GSE1: variants seen among roughly 807,000 people sequenced by gnomAD.
GSE1 encodes the protein genetic suppressor element 1.
Under a neutral mutation model 112.6 loss-of-function variants are expected in GSE1, and 32 were observed. The ratio of observed to expected loss-of-function variants is 0.28; its 90% confidence interval spans 0.21 to 0.38. GSE1 has a LOEUF of 0.38. GSE1 is among the 10% of genes least tolerant of loss of function. The probability of loss-of-function intolerance (pLI) is 1.00; values close to 1 mark genes in which losing one functional copy is unlikely to be tolerated. For synonymous variants in GSE1, 1,115 were observed against 735.6 expected (o/e 1.52, Z -8.35); for missense variants, 2,348 against 1,699.2 (o/e 1.38, Z -6.71).
At chr16:85,328,158 C>T (rs1355746547) in intron 1 of GSE1, among the ~76,000 whole-genome samples, 1 of 152,250 alleles carries the variant, frequency 6.6e-6, no homozygotes, top group East Asian at 1.9e-4. Flanking sequence ...CTCGTTCTCA[C>T]CAGGCCAGGG....
chr16:85,241,425 G>A (rs1472909265), intron 1 of GSE1, among the ~76,000 whole-genome samples: 1 of 152,214 alleles, frequency 6.6e-6, no homozygotes, highest in African/African-American at 2.4e-5. Flanking sequence ...ATGGCTTCAT[G>A]CTGGTAGCTT....
Position 85,663,488 on chromosome 16 carries a change from T to C in GSE1, c.2518T>C (p.Ser840Pro). 1 of 1,613,622 alleles carries C rather than the reference T, an allele frequency of 6.2e-7. No homozygotes were observed. The highest frequency in any genetic ancestry group is 8.5e-7 in the Non-Finnish European group (1 of 1,179,940). ...PTIQSKRQTP[S>P]PRLALSTRYS... is the part of the protein sequence containing the mutation. ...AATTCAGAGCAAGCGGCAGACGCCT[T>C]CACCGAGACTGGCGCTGTCTACCCG... is the stretch of plus-strand genomic sequence containing the variant. The change falls in exon 11 of 16, where the codon TCA (serine) becomes CCA (proline). Residue 840 changes from serine to proline, a missense_variant. Coordinates refer to ENST00000253458, the MANE Select transcript of GSE1 (RefSeq NM_014615.5).
At chr16:85,442,180 A>G (rs1227809708) in intron 2 of GSE1, among the ~76,000 whole-genome samples, 1 of 152,214 alleles carries the variant, frequency 6.6e-6, no homozygotes, top group East Asian at 1.9e-4. Context: ...GCCTCAGCTC[A>G]GGTATCACCT....
At chr16:85,450,614 ACTT>A (rs1198620580) in intron 2 of GSE1, among the ~76,000 whole-genome samples, 11 of 149,300 alleles carry the variant, frequency 7.4e-5, no homozygotes, top group Admixed American at 2.0e-4. Context: ...ATGCCCAGCT[ACTT>A]TTTTTGTATT....
chr16:85,422,127 G>T (rs2151741278), intron 2 of GSE1, among the ~76,000 whole-genome samples: 1 of 152,106 alleles, frequency 6.6e-6, no homozygotes, highest in African/African-American at 2.4e-5. Context: ...TGTCCCCAGG[G>T]TGTGCCCGGG....
chr16:85,219,608 C>T, intron 1 of GSE1, among the ~76,000 whole-genome samples: 1 of 152,244 alleles, frequency 6.6e-6, no homozygotes, highest in East Asian at 1.9e-4. Flanking sequence ...ATTCTGCTTC[C>T]ATCCCACCTC....
At chr16:85,218,250 G>T (rs1001710566) in intron 1 of GSE1, among the ~76,000 whole-genome samples, 4 of 152,036 alleles carry the variant, frequency 2.6e-5, no homozygotes, top group African/African-American at 9.7e-5. Context: ...TTTTCTCCTA[G>T]GGTTTCCACT....
At chr16:85,626,442 C>T (rs894578709) in intron 1 of GSE1, among the ~76,000 whole-genome samples, 1 of 151,870 alleles carries the variant, frequency 6.6e-6, no homozygotes, top group Non-Finnish European at 1.5e-5. Context: ...GGGGCGGGCA[C>T]CAGTCCCCGA....
chr16:85,589,481 C>G (rs1474885610), intron 1 of GSE1, among the ~76,000 whole-genome samples: 2 of 152,140 alleles, frequency 1.3e-5, no homozygotes, highest in Admixed American at 1.3e-4. Context: ...ATGGCGGGAA[C>G]CTGGTGGGTT....
intron 1 of GSE1, among the ~76,000 whole-genome samples, chr16:85,185,549 C>G (rs1481831441): frequency 1.3e-5 from 2 of 152,254 alleles, no homozygotes; most frequent in East Asian, 1.9e-4. Context: ...AAACTTCTCA[C>G]TAAGCTCTAG....
intron 1 of GSE1, among the ~76,000 whole-genome samples, chr16:85,291,512 G>T (rs1014082916): frequency 2.0e-5 from 3 of 152,226 alleles, no homozygotes; most frequent in African/African-American, 7.2e-5. Context: ...GTCCCATGGG[G>T]TCGAATAAAG....
At chr16:85,640,133 A>G (rs1437656680) in intron 2 of GSE1, among the ~76,000 whole-genome samples, 2 of 152,122 alleles carry the variant, frequency 1.3e-5, no homozygotes, top group Admixed American at 1.3e-4. Flanking sequence ...TCACCCCAGC[A>G]CCACCCATGG....
chr16:85,669,993 C>A (rs560861975), intron 14 of GSE1, among the ~76,000 whole-genome samples: 1 of 152,232 alleles, frequency 6.6e-6, no homozygotes, highest in African/African-American at 2.4e-5. Flanking sequence ...ATTTTAGGAT[C>A]GCCTTATATT....
upstream of GSE1, among the ~76,000 whole-genome samples, chr16:85,610,786 C>CATGT (rs1419630685): frequency 1.3e-5 from 2 of 152,216 alleles, no homozygotes; most frequent in Non-Finnish European, 2.9e-5. Context: ...GCGCAGCTTG[C>CATGT]ATGTCACCTG....
intron 2 of GSE1, among the ~76,000 whole-genome samples, chr16:85,430,886 T>G (rs2151759868): frequency 6.6e-6 from 1 of 152,264 alleles, no homozygotes; most frequent in South Asian, 2.1e-4. Flanking sequence ...ACACTGCAGG[T>G]CAGCGTGAGG....
rs1481765732 is a variant in GSE1 at position 85,373,705 on chromosome 16, G to A, written c.2464+16062G>A. ...GGGAGATTCTGGAGTGAACAGGTGT[G>A]TGGCGGGTGGGTGGAGGGACGAAAG... On this transcript the variant is annotated intron_variant, in intron 2 of 2. Coordinates refer to the GSE1 transcript ENST00000637419. The surrounding 1 kb of genome is among the most constrained non-coding windows in gnomAD (Gnocchi z 5.1). 6.6e-6 allele frequency among the ~76,000 whole-genome samples: 1 copy of A among 152,168 alleles called. No individual in the cohort carries two copies. Among genetic ancestry groups the A allele is most frequent in the African/African-American group, 2.4e-5 (1 of 41,424 alleles).
At chr16:85,616,378 C>G (rs1442546418) in intron 1 of GSE1, among the ~76,000 whole-genome samples, 1 of 152,228 alleles carries the variant, frequency 6.6e-6, no homozygotes. Context: ...TCCAGGAGCT[C>G]GCAGGGGCTT....
chr16:85,620,040 A>G (rs1478100792), intron 1 of GSE1, among the ~76,000 whole-genome samples: 1 of 152,162 alleles, frequency 6.6e-6, no homozygotes, highest in African/African-American at 2.4e-5. Flanking sequence ...TCAAGCCTGT[A>G]ATCCCAGCAC....
chr16:85,450,992 T>C (rs941106890), intron 2 of GSE1, among the ~76,000 whole-genome samples: 2 of 145,208 alleles, frequency 1.4e-5, no homozygotes, highest in African/African-American at 5.2e-5. Flanking sequence ...GAGAATTGCT[T>C]GAAACCAGGA....
Sources: allele counts gnomAD v4.1 joint callset (sites outside exome capture counted in the v4.1 genomes callset), GRCh38; gene constraint gnomAD v4.1.1; non-coding constraint Gnocchi (gnomAD v3.1); transcripts MANE v1.5; gene names NCBI Gene and HGNC (gene_info 2026-07-23, HGNC 2026-07-21).